PRRG1: variants seen among roughly 807,000 people sequenced by gnomAD.
The protein encoded by PRRG1 is transmembrane gamma-carboxyglutamic acid protein 1.
PRRG1 carries 5 observed loss-of-function variants against 11.8 expected under a neutral mutation model. The observed-to-expected ratio is 0.42, with a 90% CI of 0.22 to 0.89. The LOEUF (loss-of-function observed/expected upper bound fraction) is 0.89. Ranked by LOEUF, PRRG1 falls within the 40% of genes least tolerant of loss-of-function variation. The pLI is 0.28. For missense variants in PRRG1, 155 were observed against 166.1 expected (o/e 0.93, Z 0.37); for synonymous variants, 66 against 60.4 (o/e 1.09, Z -0.43).
At chrX:37,439,981 G>C (rs148767371) in intron 3 of PRRG1, among the ~76,000 whole-genome samples, 2,078 of 108,537 alleles carry the variant, frequency 0.019, 52 homozygotes, top group African/African-American at 0.066. Context: ...TGTATTCTTG[G>C]TAGAGTCGGG....
At chrX:37,449,123 G>T (rs1291328741) in intron 3 of PRRG1, among the ~76,000 whole-genome samples, 4 of 111,566 alleles carry the variant, frequency 3.6e-5, no homozygotes, top group Non-Finnish European at 5.7e-5. Context: ...TTCCAACTTG[G>T]GGGTATTTCT....
chrX:37,377,628 G>A (rs1327427668), intron 1 of PRRG1, among the ~76,000 whole-genome samples: 2 of 111,669 alleles, frequency 1.8e-5, no homozygotes, highest in African/African-American at 6.5e-5. Flanking sequence ...TACTATAGGT[G>A]CTATTCAGTA....
intron 3 of PRRG1, among the ~76,000 whole-genome samples, chrX:37,438,780 C>A (rs1340124334): frequency 1.8e-5 from 2 of 111,312 alleles, no homozygotes; most frequent in East Asian, 2.8e-4. Context: ...CTCTTCAATT[C>A]GTGCTATGTT....
chrX:37,371,666 C>T (rs1171215309), intron 1 of PRRG1, among the ~76,000 whole-genome samples: 4 of 112,938 alleles, frequency 3.5e-5, no homozygotes, highest in Non-Finnish European at 7.5e-5. Context: ...TGGTGCCAGC[C>T]GTGGAAGCTG....
At chrX:37,375,921 C>T (rs1298330211) in intron 1 of PRRG1, among the ~76,000 whole-genome samples, 1 of 111,609 alleles carries the variant, frequency 9.0e-6, no homozygotes, top group Non-Finnish European at 1.9e-5. Context: ...TAGCCTGATA[C>T]TGGTTCTGGA....
At position 37,455,491 on chromosome X, in the gene PRRG1, G is replaced by A. The variant is rs374714442; in HGVS notation, c.*1870G>A. 72 of 112,118 alleles carry A rather than the reference G, an allele frequency of 6.4e-4. No homozygotes were observed. The highest frequency in any genetic ancestry group is 2.2e-3 in the African/African-American group (69 of 30,847). The allele number at this position is 112,118 out of a possible 1,213,427, so 9.2% of individuals were successfully genotyped here. A position where few individuals can be genotyped will look rare whatever the true frequency, so the allele number is the denominator to read the frequency against. On this transcript the variant is annotated 3_prime_UTR_variant, in exon 4 of 4. Coordinates refer to ENST00000378628, the MANE Select transcript of PRRG1 (RefSeq NM_001142395.2). ...TAAATGGGTAACATATTCCTAATCT[G>A]AGTGTGTGGGCTGTTAGAGAACCCC...
intron 1 of PRRG1, among the ~76,000 whole-genome samples, chrX:37,396,532 C>T (rs1043973646): frequency 3.6e-5 from 4 of 111,016 alleles, no homozygotes; most frequent in Admixed American, 9.6e-5. Flanking sequence ...TCTTTTTTTG[C>T]CTGCTGCCAA....
chrX:37,410,118 A>T (rs782105161), intron 2 of PRRG1, among the ~76,000 whole-genome samples: 2 of 111,937 alleles, frequency 1.8e-5, no homozygotes, highest in African/African-American at 3.2e-5. Context: ...CCCATTCACT[A>T]TGTATGAATT....
intron 1 of PRRG1, among the ~76,000 whole-genome samples, chrX:37,361,354 A>T (rs1487781560): frequency 9.1e-6 from 1 of 110,370 alleles, no homozygotes; most frequent in African/African-American, 3.3e-5. Flanking sequence ...AAAAAAAAAA[A>T]GCTGAATAAT....
intron 3 of PRRG1, among the ~76,000 whole-genome samples, chrX:37,433,189 A>G (rs1282644880): frequency 1.8e-5 from 2 of 111,144 alleles, no homozygotes; most frequent in East Asian, 5.7e-4. Context: ...AGGGCTTCCC[A>G]TCTCCCTCAG....
intron 2 of PRRG1, among the ~76,000 whole-genome samples, chrX:37,418,767 C>T (rs1932573611): frequency 9.0e-6 from 1 of 111,356 alleles, no homozygotes; most frequent in African/African-American, 3.3e-5. Context: ...CCCAAAGAGC[C>T]TTCTGACTCT....
At chrX:37,446,855 C>A (rs1933086519) in intron 3 of PRRG1, among the ~76,000 whole-genome samples, 1 of 110,568 alleles carries the variant, frequency 9.0e-6, no homozygotes, top group Non-Finnish European at 1.9e-5. Flanking sequence ...TTATAACAAT[C>A]CACTCTCTCG....
chrX:37,395,277 C>T (rs782478099), intron 1 of PRRG1, among the ~76,000 whole-genome samples: 2 of 111,694 alleles, frequency 1.8e-5, no homozygotes, highest in African/African-American at 3.3e-5. Flanking sequence ...ATGTATATAA[C>T]GTGTCATCAT....
intron 2 of PRRG1, among the ~76,000 whole-genome samples, chrX:37,421,661 G>A (rs994840042): frequency 7.2e-5 from 8 of 111,658 alleles, no homozygotes; most frequent in Non-Finnish European, 1.1e-4. Flanking sequence ...TTTTGTTTTC[G>A]CATTTTAAAA....
At chrX:37,392,969 C>T (rs1931591765) in intron 1 of PRRG1, among the ~76,000 whole-genome samples, 1 of 111,702 alleles carries the variant, frequency 9.0e-6, no homozygotes, top group Non-Finnish European at 1.9e-5. Flanking sequence ...AGTAGACACA[C>T]AATGTATATT....
At chrX:37,398,267 CTCCTCTGAGACAAAACT>C (rs1369865493) in intron 1 of PRRG1, among the ~76,000 whole-genome samples, 2 of 111,098 alleles carry the variant, frequency 1.8e-5, no homozygotes, top group Admixed American at 1.9e-4. Context: ...CGGCCGGGTA[CTCCTCTGAGACAAAACT>C]TCCAGAGGAA....
At chrX:37,400,551 A>C (rs782818751) in intron 1 of PRRG1, among the ~76,000 whole-genome samples, 3,009 of 111,173 alleles carry the variant, frequency 0.027, 107 homozygotes, top group African/African-American at 0.092. Flanking sequence ...AAATTGACAC[A>C]CTAACATCAC....
chrX:37,424,365 C>G (rs113982468), intron 2 of PRRG1, among the ~76,000 whole-genome samples: 4,801 of 110,874 alleles, frequency 0.043, 264 homozygotes, highest in African/African-American at 0.15. Flanking sequence ...TACCTCAGAT[C>G]TATGGCATCA....
rs546163919 is a variant in PRRG1 at position 37,405,232 on chromosome X, T to A, written c.-41-977T>A. Among the ~76,000 whole-genome samples the A allele has an allele frequency of 1.0e-3, 114 of 111,884 alleles. 1 individual carries two copies. The South Asian group carries it at 0.041, about 40-fold the overall frequency. ...TTTTTAACATGCTGTGGAGGATAAT[T>A]TGGGAAAACTCATATAGTTGAGCCT... On this transcript the variant is annotated intron_variant, in intron 1 of 3. Coordinates refer to ENST00000378628, the MANE Select transcript of PRRG1 (RefSeq NM_001142395.2).
Sources: gnomAD v4.1 joint callset for allele counts (sites outside exome capture counted in the v4.1 genomes callset) on GRCh38, gnomAD v4.1.1 for gene constraint, MANE v1.5 for transcripts, NCBI Gene and HGNC (gene_info 2026-07-23, HGNC 2026-07-21) for gene names.